Variants in SORCS2 observed in about 807,000 individuals in gnomAD.
The protein encoded by SORCS2 is sortilin related VPS10 domain containing receptor 2.
In SORCS2, 100 loss-of-function variants were observed where a neutral mutation model predicts 141.6. That is an observed-to-expected ratio of 0.71 (90% confidence interval 0.60 to 0.83). The LOEUF is 0.83. Among genes scored for constraint, SORCS2 ranks in the 40% least tolerant of loss-of-function variants. The pLI, the probability that SORCS2 is intolerant of heterozygous loss-of-function variation, is 0.00. For synonymous variants in SORCS2, 789 were observed against 676.9 expected, an observed-to-expected ratio of 1.17 and a Z score of -2.57; for missense variants, 1,646 against 1,560.2, an observed-to-expected ratio of 1.05 and a Z score of -0.93.
intron 2 of SORCS2, among the ~76,000 whole-genome samples, chr4:7,504,928 C>T (rs1473975389): frequency 6.6e-6 from 1 of 152,224 alleles, no homozygotes; most frequent in Non-Finnish European, 1.5e-5. Context: ...CTGATGCCCC[C>T]CGGCCACCTG....
chr4:7,198,617 C>T (rs1322084916), intron 1 of SORCS2, among the ~76,000 whole-genome samples: 2 of 152,156 alleles, frequency 1.3e-5, no homozygotes, highest in Non-Finnish European at 2.9e-5. Flanking sequence ...GATAGCTCAT[C>T]ACCAAGGGTG....
rs1464740041 is a variant in SORCS2, at chr4:7,733,355, C to G, written c.3142C>G (p.Gln1048Glu). The change falls in exon 24 of 27, where the codon CAG (glutamine) becomes GAG (glutamate). Residue 1048 changes from glutamine (Q) to glutamate (E), a missense_variant. Transcript: ENST00000507866. ...LAAIQQVLNA[Q>E]KISFLLRGGV... ...CGCCATCCAGCAGGTGCTGAACGCA[C>G]AGAAGATCAGCTTCCTCCTGCGAGG... The G allele has an allele frequency of 1.9e-6, 3 of 1,576,650 alleles. No homozygotes were observed. In the Admixed American group the frequency reaches 5.5e-5, roughly 29 times the overall value.
At chr4:7,721,349 C>A (rs1436360333) in intron 18 of SORCS2, among the ~76,000 whole-genome samples, 1 of 152,076 alleles carries the variant, frequency 6.6e-6, no homozygotes, top group East Asian at 1.9e-4. Context: ...GCCTGTAATC[C>A]CAGCTACTTG....
chr4:7,469,749 TTCCAA>T (rs138675451), intron 2 of SORCS2, among the ~76,000 whole-genome samples: 2,460 of 152,310 alleles, frequency 0.016, 38 homozygotes, highest in Middle Eastern at 0.031. Context: ...CCCCAGGTGA[TTCCAA>T]TCTGCAGCCA....
At position 7,741,379 on chromosome 4, in the gene SORCS2, G is replaced by A; in HGVS notation, c.*1115G>A. The A allele has an allele frequency of 6.1e-6, 2 of 329,920 alleles. No individual in the cohort carries two copies. The highest frequency in any genetic ancestry group is 1.1e-5 in the Non-Finnish European group (2 of 183,152). 20.4% of individuals were successfully genotyped at this position (329,920 alleles called of 1,614,324 possible). A position where few individuals can be genotyped will look rare whatever the true frequency, so the allele number is the denominator to read the frequency against. On this transcript the variant is annotated 3_prime_UTR_variant, in exon 27 of 27. Coordinates refer to ENST00000507866, the MANE Select transcript of SORCS2 (RefSeq NM_020777.3). Reference sequence around the variant, plus strand: ...ACCCAGCCCTCTGCGCGCCAGTGCTGTGCGGTCTCCACACCCTTACGGTTT... The same window carrying A: ...ACCCAGCCCTCTGCGCGCCAGTGCTATGCGGTCTCCACACCCTTACGGTTT...
rs566564111 is a variant in SORCS2, at chr4:7,486,320, G to A, written c.549-45210G>A. ...CCTCACTGCTGCTGTTGGAGCGCCC[G>A]CAGGCCGGCTGGGCCACTATTTGCA... On this transcript the variant is annotated intron_variant, in intron 2 of 26. Transcript: ENST00000507866. 1.1e-4 allele frequency among the ~76,000 whole-genome samples: 17 copies of A among 152,350 alleles called. No individual in the cohort carries two copies. In the East Asian group the frequency reaches 2.7e-3, roughly 24 times the overall value.
intron 1 of SORCS2, among the ~76,000 whole-genome samples, chr4:7,200,056 G>A (rs556073537): frequency 1.3e-5 from 2 of 152,128 alleles, no homozygotes; most frequent in South Asian, 2.1e-4. Flanking sequence ...GTTGCCCCGC[G>A]TGCAGGGCAG....
Position 7,487,575 on chromosome 4 carries a change from G to A in SORCS2, c.549-43955G>A, listed in dbSNP as rs1731067879. On this transcript the variant is annotated intron_variant, in intron 2 of 26. Coordinates refer to ENST00000507866, the MANE Select transcript of SORCS2 (RefSeq NM_020777.3). ...CTGCACTAGAGAGAGCGCGCTGCAT[G>A]CACCTGGCCTCTGCACTTCTACCAT... is the stretch of plus-strand genomic sequence containing the variant. 2.0e-5 allele frequency among the ~76,000 whole-genome samples: 3 copies of A among 152,342 alleles called. No individual in the cohort carries two copies. In the South Asian group the frequency reaches 6.2e-4, roughly 32 times the overall value.
intron 1 of SORCS2, among the ~76,000 whole-genome samples, chr4:7,390,503 A>G (rs1470900239): frequency 6.6e-6 from 1 of 152,198 alleles, no homozygotes; most frequent in Non-Finnish European, 1.5e-5. Flanking sequence ...GCGCTCATGC[A>G]GGGCCAGGGT....
chr4:7,311,568 G>T (rs527752971), intron 1 of SORCS2, among the ~76,000 whole-genome samples: 1 of 152,180 alleles, frequency 6.6e-6, no homozygotes, highest in African/African-American at 2.4e-5. Context: ...CTTTAGAGTC[G>T]TGTTTTTAGT....
rs754706263 is a variant in SORCS2 at position 7,682,860 on chromosome 4, A to G, written c.1459A>G (p.Met487Val). The G allele has an allele frequency of 7.4e-6, 12 of 1,613,502 alleles. No homozygotes were observed. The highest frequency in any genetic ancestry group is 2.2e-5 in the East Asian group (1 of 44,884). Residue 487 changes from methionine (M) to valine (V), a missense_variant, in exon 10 of 27, where the codon ATG (methionine) becomes GTG (valine). Physicochemically the swap from Met to Val is conservative, Grantham distance 21. Coordinates refer to ENST00000507866, the MANE Select transcript of SORCS2 (RefSeq NM_020777.3). ...WDYLRPPSMD[M>V]NGKPTNCKPP... is the part of the protein sequence containing the mutation. Reference sequence around the variant, plus strand: ...TTACCTGAGGCCACCCAGCATGGACATGAATGGAAAACCAACCAACTGCAA... The same window carrying G: ...TTACCTGAGGCCACCCAGCATGGACGTGAATGGAAAACCAACCAACTGCAA...
chr4:7,616,603 T>A (rs1311658367), intron 3 of SORCS2, among the ~76,000 whole-genome samples: 1 of 152,154 alleles, frequency 6.6e-6, no homozygotes, highest in Non-Finnish European at 1.5e-5. Flanking sequence ...TCTCTGTGGG[T>A]TGGTTGGGTC....
chr4:7,621,175 GC>G (rs1719147279), intron 3 of SORCS2, among the ~76,000 whole-genome samples: 1 of 152,188 alleles, frequency 6.6e-6, no homozygotes, highest in Non-Finnish European at 1.5e-5. Flanking sequence ...AGATGTGGCA[GC>G]CCGCCCAGCC....
At chr4:7,360,571 CTTTTTTTTT>C (rs753548897) in intron 1 of SORCS2, among the ~76,000 whole-genome samples, 34 of 49,284 alleles carry the variant, frequency 6.9e-4, no homozygotes, top group East Asian at 1.9e-3. Context: ...CCAGTCCCTT[CTTTTTTTTT>C]TTTTTTTTTT....
At chr4:7,543,796 CCA>C (rs1712963354) in intron 3 of SORCS2, among the ~76,000 whole-genome samples, 1 of 48,636 alleles carries the variant, frequency 2.1e-5, no homozygotes. Context: ...ATCCATCCAT[CCA>C]TCCATCCATC....
chr4:7,441,144 C>T (rs757287313), intron 2 of SORCS2, among the ~76,000 whole-genome samples: 11 of 152,154 alleles, frequency 7.2e-5, no homozygotes, highest in East Asian at 1.9e-4. Flanking sequence ...AGTGTGGGCA[C>T]GAGCTGCCAA....
intron 2 of SORCS2, among the ~76,000 whole-genome samples, chr4:7,510,251 G>A (rs979674965): frequency 6.6e-6 from 1 of 152,216 alleles, no homozygotes; most frequent in Admixed American, 6.5e-5. Context: ...GGCTCCCTCC[G>A]CTGAGTGTCC....
intron 3 of SORCS2, among the ~76,000 whole-genome samples, chr4:7,610,443 AG>A (rs1718333160): frequency 6.6e-6 from 1 of 152,110 alleles, no homozygotes; most frequent in South Asian, 2.1e-4. Context: ...CTGTCACTCC[AG>A]GGGAGCTCTG....
chr4:7,708,476 C>T (rs1333313354), intron 14 of SORCS2, among the ~76,000 whole-genome samples: 1 of 151,682 alleles, frequency 6.6e-6, no homozygotes, highest in African/African-American at 2.4e-5. Flanking sequence ...CGCTGGCCGG[C>T]CGACCTTTGA....
Sources: allele counts gnomAD v4.1 joint callset (sites outside exome capture counted in the v4.1 genomes callset), GRCh38; gene constraint gnomAD v4.1.1; transcripts MANE v1.5; gene names NCBI Gene and HGNC (gene_info 2026-07-23, HGNC 2026-07-21).